Variants in ANO1 observed in about 807,000 individuals in gnomAD.
ANO1 encodes anoctamin 1.
A neutral mutation model predicts 124.0 loss-of-function variants in ANO1; 59 were observed. The observed-to-expected ratio is 0.48, with a 90% CI of 0.39 to 0.59. The LOEUF (loss-of-function observed/expected upper bound fraction) is 0.59, where lower values mean the gene tolerates loss of function less well. Ranked by LOEUF, ANO1 falls within the 20% of genes least tolerant of loss-of-function variation. The probability of loss-of-function intolerance (pLI) is 0.00; values close to 1 mark genes in which losing one functional copy is unlikely to be tolerated. For missense variants in ANO1, 1,059 were observed against 1,328.0 expected, an observed-to-expected ratio of 0.80 and a Z score of 3.15; for synonymous variants, 529 against 532.0, an observed-to-expected ratio of 0.99 and a Z score of 0.08.
intron 8 of ANO1, among the ~76,000 whole-genome samples, chr11:70,121,468 CT>C (rs1210332884): frequency 6.7e-6 from 1 of 149,766 alleles, no homozygotes; most frequent in Non-Finnish European, 1.5e-5. Flanking sequence ...GCCTCTGTCT[CT>C]GTCTCTCTCC....
At chr11:70,122,080 T>C (rs2046308379) in intron 8 of ANO1, among the ~76,000 whole-genome samples, 1 of 119,738 alleles carries the variant, frequency 8.4e-6, no homozygotes, top group Non-Finnish European at 1.8e-5. Flanking sequence ...CCTCTGTCTC[T>C]CTCTCTCTCC....
chr11:70,187,644 G>A (rs1330058549), intron 25 of ANO1, 94 bp from the exon 26 acceptor site: 36 of 1,455,346 alleles, frequency 2.5e-5, no homozygotes, highest in Non-Finnish European at 4.6e-6. Flanking sequence ...AGGTGGTGGG[G>A]TGGCACTCCA....
intron 11 of ANO1, among the ~76,000 whole-genome samples, chr11:70,139,055 C>T (rs1053061010): frequency 6.6e-6 from 1 of 152,156 alleles, no homozygotes; most frequent in African/African-American, 2.4e-5. Context: ...TTCCTGCATT[C>T]GTTTAGTCCG....
intron 2 of ANO1, among the ~76,000 whole-genome samples, chr11:70,089,466 A>T (rs562125797): frequency 5.8e-4 from 89 of 152,310 alleles, no homozygotes; most frequent in Non-Finnish European, 1.2e-3. Flanking sequence ...AACGTGCTCC[A>T]TGGGGCCTCC....
chr11:69,995,485 G>T (rs1468748726), intron 1 of ANO1, among the ~76,000 whole-genome samples: 1 of 152,132 alleles, frequency 6.6e-6, no homozygotes, highest in Non-Finnish European at 1.5e-5. Context: ...ATCCCCTCCA[G>T]AACACCACAG....
chr11:70,026,171 GTGGTGGTGGTGATGATGATGA>G (rs1237212616), intron 1 of ANO1, among the ~76,000 whole-genome samples: 1 of 149,538 alleles, frequency 6.7e-6, no homozygotes, highest in Non-Finnish European at 1.5e-5. Context: ...GGTGATGATG[GTGGTGGTGGTGATGATGATGA>G]TGGTGGTGGT....
intron 1 of ANO1, among the ~76,000 whole-genome samples, chr11:69,993,669 C>T (rs1228062778): frequency 6.6e-6 from 1 of 152,238 alleles, no homozygotes; most frequent in Non-Finnish European, 1.5e-5. Context: ...TCCAGCCCAC[C>T]ACCTGGTGCA....
chr11:70,157,351 A>C (rs2135684369), intron 16 of ANO1, among the ~76,000 whole-genome samples: 1 of 145,516 alleles, frequency 6.9e-6, no homozygotes, highest in African/African-American at 2.6e-5. Context: ...TGGGTGACAG[A>C]GCAAGACTCT....
At chr11:70,175,010 C>T (rs966997643) in intron 22 of ANO1, among the ~76,000 whole-genome samples, 3 of 152,174 alleles carry the variant, frequency 2.0e-5, no homozygotes, top group African/African-American at 7.2e-5. Context: ...AGTACCCCAC[C>T]CCCGCCCGCC....
intron 2 of ANO1, among the ~76,000 whole-genome samples, chr11:70,090,390 G>A (rs2044582187): frequency 6.6e-6 from 1 of 152,158 alleles, no homozygotes. Flanking sequence ...AACTTCTGGG[G>A]TCTAGTAATT....
At chr11:70,182,800 T>A in intron 24 of ANO1, 114 bp downstream of exon 24, 2 of 988,062 alleles carry the variant, frequency 2.0e-6, no homozygotes, top group Non-Finnish European at 2.8e-6. Flanking sequence ...CAAACTTGCT[T>A]AAAAAGAAGA....
intron 1 of ANO1, among the ~76,000 whole-genome samples, chr11:69,990,011 T>C (rs1487345664): frequency 3.9e-5 from 6 of 152,206 alleles, no homozygotes; most frequent in African/African-American, 7.2e-5. Context: ...AACATTTTAA[T>C]CATTTTAAGT....
intron 2 of ANO1, among the ~76,000 whole-genome samples, chr11:70,096,420 C>T (rs550197921): frequency 5.9e-5 from 9 of 152,296 alleles, no homozygotes; most frequent in Admixed American, 1.3e-4. Context: ...GGTGGGCCAG[C>T]GAGCATTCCT....
At chr11:70,074,911 C>T (rs11232979), upstream of ANO1, 61,601 of 152,098 alleles carry the variant, frequency 0.41, 13,304 homozygotes, top group East Asian at 0.67. Context: ...TAGAAGAGAC[C>T]TTTGCCTCCC....
At chr11:70,044,409 T>C (rs149067247) in intron 1 of ANO1, among the ~76,000 whole-genome samples, 1 of 152,250 alleles carries the variant, frequency 6.6e-6, no homozygotes, top group African/African-American at 2.4e-5. Flanking sequence ...TTGTATGCTA[T>C]TTCCCTCAAA....
At chr11:70,141,757 T>C (rs2047161576) in intron 11 of ANO1, 1 of 152,212 alleles carries the variant, frequency 6.6e-6, no homozygotes, top group South Asian at 2.1e-4. Context: ...TATTCAATTA[T>C]TTGTTCTTTA....
chr11:69,970,338 A>G, the ANO1 span, among the ~76,000 whole-genome samples: 1 of 152,302 alleles, frequency 6.6e-6, no homozygotes, highest in East Asian at 1.9e-4. Flanking sequence ...GGGTTTTCTC[A>G]GACCCACGGG....
chr11:70,069,156 C>G (rs779591532), intron 1 of ANO1, among the ~76,000 whole-genome samples: 4 of 152,196 alleles, frequency 2.6e-5, no homozygotes, highest in Non-Finnish European at 5.9e-5. Flanking sequence ...CCCTGGTTTC[C>G]TTTGGGAAAG....
At chr11:70,031,261 A>G (rs1297852616) in intron 1 of ANO1, among the ~76,000 whole-genome samples, 1 of 152,210 alleles carries the variant, frequency 6.6e-6, no homozygotes, top group Non-Finnish European at 1.5e-5. Context: ...TGATGTTTTC[A>G]TATATGTATA....
Sources: allele counts gnomAD v4.1 joint callset (sites outside exome capture counted in the v4.1 genomes callset), GRCh38; gene constraint gnomAD v4.1.1; transcripts MANE v1.5; gene names NCBI Gene and HGNC (gene_info 2026-07-23, HGNC 2026-07-21).